The following LBH variants were observed in gnomAD, a reference collection of about 807,000 sequenced individuals.
The protein encoded by LBH is LBH regulator of Wnt signaling pathway.
LBH carries 7 observed loss-of-function variants against 12.5 expected under a neutral mutation model. The ratio of observed to expected loss-of-function variants is 0.56; its 90% CI spans 0.32 to 1.05. LBH has a LOEUF of 1.05. Ranked by LOEUF, LBH falls within the 50% of genes least tolerant of loss-of-function variation. The pLI is 0.04. For missense variants in LBH, 119 were observed against 138.9 expected, an observed-to-expected ratio of 0.86 and a Z score of 0.72; for synonymous variants, 51 against 50.1, an observed-to-expected ratio of 1.02 and a Z score of -0.08.
intron 2 of LBH, among the ~76,000 whole-genome samples, chr2:30,241,976 C>G (rs1193891282): frequency 6.6e-6 from 1 of 152,034 alleles, no homozygotes; most frequent in South Asian, 2.1e-4. Context: ...ATATTCCAAG[C>G]GATCATTTTT....
intron 2 of LBH, among the ~76,000 whole-genome samples, chr2:30,238,520 C>T (rs534523674): frequency 3.4e-4 from 52 of 152,336 alleles, no homozygotes; most frequent in African/African-American, 1.1e-3. Flanking sequence ...GGAGGATGCT[C>T]TGGGAGGGAG....
At chr2:30,250,637 C>T (rs545515010) in intron 2 of LBH, among the ~76,000 whole-genome samples, 21 of 152,066 alleles carry the variant, frequency 1.4e-4, no homozygotes, top group Non-Finnish European at 2.2e-4. Flanking sequence ...TGGAGGCAGA[C>T]AGTTGATAGC....
intron 2 of LBH, among the ~76,000 whole-genome samples, chr2:30,249,338 C>A (rs952290764): frequency 5.1e-4 from 78 of 152,316 alleles, no homozygotes; most frequent in Non-Finnish European, 1.6e-4. Flanking sequence ...GCTGCTTGTT[C>A]ATTCATCCCT....
intron 2 of LBH, among the ~76,000 whole-genome samples, chr2:30,245,912 C>A (rs984485843): frequency 5.9e-5 from 9 of 151,736 alleles, no homozygotes; most frequent in Admixed American, 2.0e-4. Context: ...CCCCTCAAAT[C>A]TTTACCAGTT....
At position 30,233,366 on chromosome 2, in the gene LBH, A is replaced by C. The variant is rs4616524; in HGVS notation, c.27-1039A>C. Among the ~76,000 whole-genome samples, 1,201 of 152,266 alleles carry C rather than the reference A, an allele frequency of 7.9e-3. 22 individuals carry two copies. In the East Asian group the frequency reaches 0.093, roughly 12 times the overall value. ...TCTTGAGGGGCAGAGCCTAGAACCT[A>C]TTGCTTCTGTTTCTAAATCCAGTGT... On this transcript the variant is annotated intron_variant, in intron 1 of 2. Coordinates refer to ENST00000395323, the MANE Select transcript of LBH (RefSeq NM_030915.4).
chr2:30,254,031 G>C (rs938051127), intron 2 of LBH, among the ~76,000 whole-genome samples: 1 of 152,146 alleles, frequency 6.6e-6, no homozygotes, highest in African/African-American at 2.4e-5. Context: ...GCGTGGCTTT[G>C]AGCAAGTCAC....
At chr2:30,238,313 T>C (rs1677725224) in intron 2 of LBH, among the ~76,000 whole-genome samples, 1 of 152,224 alleles carries the variant, frequency 6.6e-6, no homozygotes, top group Admixed American at 6.5e-5. Context: ...CAGATACAGA[T>C]GTGGCTCCTT....
At chr2:30,250,614 A>G (rs924652279) in intron 2 of LBH, among the ~76,000 whole-genome samples, 1 of 151,732 alleles carries the variant, frequency 6.6e-6, no homozygotes, top group Non-Finnish European at 1.5e-5. Flanking sequence ...AGCCAGGTTT[A>G]GGTCACCTGG....
chr2:30,239,157 T>G (rs1042251802), intron 2 of LBH, among the ~76,000 whole-genome samples: 1 of 152,176 alleles, frequency 6.6e-6, no homozygotes, highest in Admixed American at 6.5e-5. Flanking sequence ...CTCAGTTTGT[T>G]TCATCACCGA....
intron 1 of LBH, chr2:30,232,299 C>A: frequency 6.9e-7 from 1 of 1,442,576 alleles, no homozygotes. Flanking sequence ...AGCAGCAGGG[C>A]ACGCGCTGCA....
chr2:30,236,512 C>T (rs1677691533), intron 2 of LBH, among the ~76,000 whole-genome samples: 1 of 152,226 alleles, frequency 6.6e-6, no homozygotes, highest in African/African-American at 2.4e-5. Flanking sequence ...AAATATCTTA[C>T]TTGGAACTTC....
At chr2:30,240,627 G>T (rs1323011841) in intron 2 of LBH, among the ~76,000 whole-genome samples, 2 of 152,178 alleles carry the variant, frequency 1.3e-5, no homozygotes, top group Non-Finnish European at 2.9e-5. Flanking sequence ...TCCTTCCTGG[G>T]CTGAGGGAGG....
chr2:30,257,531 G>A lies in LBH; in HGVS notation c.228G>A (p.Gly76=), dbSNP rs775830918. 2 of 1,614,202 alleles carry A rather than the reference G, an allele frequency of 1.2e-6. No homozygotes were observed. Among genetic ancestry groups the A allele is most frequent in the Non-Finnish European group, 1.7e-6 (2 of 1,180,020 alleles). The change falls in exon 3 of 3, where the codon GGG becomes GGA. Residue 76 remains glycine, a synonymous_variant. Transcript: ENST00000395323. ...CCACAGAAGGGGAGGTGGAGAGCGG[G>A]GAGCTCCGGTGGCCCCCTGAGGAGT... is the stretch of plus-strand genomic sequence containing the variant. ...VEPTEGEVES[G]ELRWPPEEFL... is the part of the protein sequence containing the mutation.
chr2:30,236,213 C>A (rs1677687061), intron 2 of LBH, among the ~76,000 whole-genome samples: 1 of 152,208 alleles, frequency 6.6e-6, no homozygotes, highest in Non-Finnish European at 1.5e-5. Context: ...AGGGCCAGGC[C>A]CTATAGGGCC....
chr2:30,255,332 G>A (rs951605739), intron 2 of LBH, among the ~76,000 whole-genome samples: 17 of 152,162 alleles, frequency 1.1e-4, no homozygotes, highest in Non-Finnish European at 5.9e-5. Context: ...GCACAGCGCC[G>A]TCTGAGGGCA....
intron 2 of LBH, among the ~76,000 whole-genome samples, chr2:30,248,241 G>A (rs1475531758): frequency 2.0e-5 from 3 of 152,212 alleles, no homozygotes; most frequent in East Asian, 1.9e-4. Flanking sequence ...CAAGGAAGAC[G>A]TCTTGCGTGG....
intron 2 of LBH, among the ~76,000 whole-genome samples, chr2:30,240,135 C>T (rs934871426): frequency 2.6e-5 from 4 of 152,304 alleles, no homozygotes; most frequent in Middle Eastern, 3.4e-3. Flanking sequence ...GTTTCTAAGA[C>T]GCTGGGCACA....
chr2:30,233,404 A>T (rs1040270481), intron 1 of LBH, among the ~76,000 whole-genome samples: 14 of 152,340 alleles, frequency 9.2e-5, no homozygotes, highest in African/African-American at 3.4e-4. Context: ...TTTCTTATCT[A>T]TGTAGTAACC....
intron 2 of LBH, among the ~76,000 whole-genome samples, chr2:30,240,452 A>G (rs1677772368): frequency 1.3e-5 from 2 of 152,330 alleles, no homozygotes. Flanking sequence ...ATATGAAGAC[A>G]GGCCCTCATT....
Sources: gnomAD v4.1 joint callset for allele counts (sites outside exome capture counted in the v4.1 genomes callset) on GRCh38, gnomAD v4.1.1 for gene constraint, MANE v1.5 for transcripts, NCBI Gene and HGNC (gene_info 2026-07-23, HGNC 2026-07-21) for gene names.